The following NRXN1 variants were observed in gnomAD, a reference collection of about 807,000 sequenced individuals.
The protein encoded by NRXN1 is neurexin-1.
Under a neutral mutation model 150.9 loss-of-function variants are expected in NRXN1, and 39 were observed. The ratio of observed to expected loss-of-function variants is 0.26; its 90% confidence interval spans 0.20 to 0.34. NRXN1 has a LOEUF of 0.34. Among genes scored for constraint, NRXN1 ranks in the 10% least tolerant of loss-of-function variants. The pLI is 1.00. For missense variants in NRXN1, 1,815 were observed against 1,949.9 expected (o/e 0.93, Z 1.30); for synonymous variants, 924 against 757.0 (o/e 1.22, Z -3.62).
chr2:50,822,893 G>A (rs1310044894), intron 5 of NRXN1, among the ~76,000 whole-genome samples: 2 of 152,144 alleles, frequency 1.3e-5, no homozygotes, highest in South Asian at 2.1e-4. Context: ...CAAAGTTATT[G>A]TTTATACATT....
intron 15 of NRXN1, among the ~76,000 whole-genome samples, chr2:50,480,498 T>C (rs184650467): frequency 7.7e-4 from 118 of 152,296 alleles, no homozygotes; most frequent in African/African-American, 2.7e-3. Flanking sequence ...TCTGTTATTA[T>C]CACAAAGAAA....
At chr2:50,722,492 G>T (rs996791943) in intron 5 of NRXN1, among the ~76,000 whole-genome samples, 1 of 152,038 alleles carries the variant, frequency 6.6e-6, no homozygotes, top group African/African-American at 2.4e-5. Flanking sequence ...ATGATTTGGG[G>T]ATACGTTTCA....
intron 17 of NRXN1, among the ~76,000 whole-genome samples, chr2:50,245,374 A>G (rs1239279473): frequency 7.2e-5 from 11 of 152,084 alleles, no homozygotes; most frequent in African/African-American, 2.4e-4. Context: ...CCCACAACCA[A>G]TAATCCTAAG....
At chr2:50,154,230 TA>T (rs540776386) in intron 18 of NRXN1, among the ~76,000 whole-genome samples, 4 of 151,280 alleles carry the variant, frequency 2.6e-5, no homozygotes, top group South Asian at 2.1e-4. Context: ...AAGATCTGAA[TA>T]AAAAAAAGAC....
intron 5 of NRXN1, among the ~76,000 whole-genome samples, chr2:50,839,563 T>A (rs1044553695): frequency 6.6e-6 from 1 of 152,160 alleles, no homozygotes; most frequent in Non-Finnish European, 1.5e-5. Context: ...GAGAAAGATC[T>A]TCATGCATCT....
chr2:50,768,873 C>G (rs557924554), intron 5 of NRXN1, among the ~76,000 whole-genome samples: 2 of 151,756 alleles, frequency 1.3e-5, no homozygotes, highest in East Asian at 3.9e-4. Context: ...TATGGAGTAT[C>G]AGCAGGCAGT....
At chr2:50,938,727 T>C (rs780520485) in intron 2 of NRXN1, among the ~76,000 whole-genome samples, 5 of 152,162 alleles carry the variant, frequency 3.3e-5, no homozygotes, top group African/African-American at 1.2e-4. Flanking sequence ...GCCTGACACA[T>C]AGCAAAAAGT....
rs148045821 is a variant in NRXN1 at position 50,240,409 on chromosome 2, C to G, written c.3365-3439G>C. Among the ~76,000 whole-genome samples the G allele has an allele frequency of 3.1e-3, 464 of 151,828 alleles. 1 individual carries two copies. Among genetic ancestry groups the G allele is most frequent in the Admixed American group, 5.7e-3 (87 of 15,182 alleles). ...TTCCTCAGCTCTCTTCTACATACTTCTATAAGCACTCTGGATTTTTTTTAA... is the reference window on the plus strand; with the variant it reads ...TTCCTCAGCTCTCTTCTACATACTTGTATAAGCACTCTGGATTTTTTTTAA... On this transcript the variant is annotated intron_variant, in intron 17 of 22. Coordinates refer to ENST00000401669, the MANE Select transcript of NRXN1 (RefSeq NM_001330078.2).
chr2:50,502,316 A>C (rs568213717), intron 13 of NRXN1, among the ~76,000 whole-genome samples: 45 of 152,302 alleles, frequency 3.0e-4, no homozygotes, highest in African/African-American at 1.1e-3. Context: ...AAGTCTTAGG[A>C]AGGAAGAAAT....
At chr2:50,510,197 T>C (rs1469294151) in intron 12 of NRXN1, among the ~76,000 whole-genome samples, 1 of 151,982 alleles carries the variant, frequency 6.6e-6, no homozygotes, top group East Asian at 1.9e-4. Flanking sequence ...TTTAAGAAAG[T>C]CTATAGCTGG....
At chr2:50,146,668 C>G (rs1413406735) in intron 18 of NRXN1, among the ~76,000 whole-genome samples, 3 of 151,582 alleles carry the variant, frequency 2.0e-5, no homozygotes, top group African/African-American at 4.8e-5. Context: ...TGCTATTATA[C>G]TTAGGCTAAA....
chr2:50,815,864 G>A (rs1001691435), intron 5 of NRXN1, among the ~76,000 whole-genome samples: 1 of 152,094 alleles, frequency 6.6e-6, no homozygotes, highest in African/African-American at 2.4e-5. Flanking sequence ...CTTCCTACAA[G>A]TTAAATAATG....
intron 18 of NRXN1, among the ~76,000 whole-genome samples, chr2:50,178,404 G>A (rs1048614744): frequency 2.6e-5 from 4 of 151,908 alleles, no homozygotes; most frequent in Admixed American, 2.0e-4. Context: ...CATGATAAAT[G>A]TCTTCTTCAT....
chr2:50,628,924 G>C (rs1477435), intron 5 of NRXN1, among the ~76,000 whole-genome samples: 123,343 of 151,622 alleles, frequency 0.81, 50,622 homozygotes, highest in East Asian at 0.95. Context: ...GAAATGCAAA[G>C]TAAACCATAA....
chr2:50,891,217 C>T (rs1455268746), intron 5 of NRXN1, among the ~76,000 whole-genome samples: 1 of 151,920 alleles, frequency 6.6e-6, no homozygotes, highest in Non-Finnish European at 1.5e-5. Flanking sequence ...GCCAAGTGAA[C>T]CATGATATGA....
intron 8 of NRXN1, among the ~76,000 whole-genome samples, chr2:50,590,067 G>A (rs1673881812): frequency 6.6e-6 from 1 of 152,160 alleles, no homozygotes; most frequent in African/African-American, 2.4e-5. Flanking sequence ...AAGGTTCATT[G>A]CTCAAGTATG....
chr2:50,332,354 C>G (rs2076891859), intron 17 of NRXN1, among the ~76,000 whole-genome samples: 1 of 152,090 alleles, frequency 6.6e-6, no homozygotes, highest in South Asian at 2.1e-4. Flanking sequence ...ATAACAAAAA[C>G]CACACTTTCT....
chr2:50,718,904 T>C (rs1696234227), intron 5 of NRXN1, among the ~76,000 whole-genome samples: 2 of 152,066 alleles, frequency 1.3e-5, no homozygotes, highest in Admixed American at 6.6e-5. Context: ...GCTGATTAGA[T>C]AAAACAGACC....
At chr2:50,450,202 T>C (rs555211881) in intron 17 of NRXN1, among the ~76,000 whole-genome samples, 1 of 152,278 alleles carries the variant, frequency 6.6e-6, no homozygotes, top group South Asian at 2.1e-4. Context: ...CCTGCTTCTG[T>C]CTTCCCAATT....
Sources: gnomAD v4.1 joint callset for allele counts (sites outside exome capture counted in the v4.1 genomes callset) on GRCh38, gnomAD v4.1.1 for gene constraint, MANE v1.5 for transcripts, NCBI Gene and HGNC (gene_info 2026-07-23, HGNC 2026-07-21) for gene names.